ARHGEF1: variants seen among roughly 807,000 people sequenced by gnomAD.
ARHGEF1 encodes the protein 115 kDa guanine nucleotide exchange factor.
In ARHGEF1, 40 loss-of-function variants were observed where a neutral mutation model predicts 119.7. The observed-to-expected ratio is 0.33, with a 90% confidence interval of 0.26 to 0.44. The LOEUF (loss-of-function observed/expected upper bound fraction) is 0.44, where lower values mean the gene tolerates loss of function less well. Ranked by LOEUF, ARHGEF1 falls within the 20% of genes least tolerant of loss-of-function variation. ARHGEF1 has a pLI of 1.00. For missense variants in ARHGEF1, 976 were observed against 1,268.3 expected (o/e 0.77, Z 3.50); for synonymous variants, 494 against 521.0 (o/e 0.95, Z 0.71).
At position 41,916,046 on chromosome 19, in the gene ARHGEF1, G is replaced by A. The variant is rs1314601060; in HGVS notation, c.1866-7046G>A. Among the ~76,000 whole-genome samples, 4 of 131,676 alleles carry A rather than the reference G, an allele frequency of 3.0e-5. No individual in the cohort carries two copies. Among genetic ancestry groups the A allele is most frequent in the East Asian group, 2.3e-4 (1 of 4,420 alleles). 86.4% of individuals were successfully genotyped at this position (131,676 alleles called of 152,430 possible). A position where few individuals can be genotyped will look rare whatever the true frequency, so the allele number is the denominator to read the frequency against. ...CCTTCGCCCCCCATCTCTACCGCCC[G>A]CAGCCATGGCACCGAATGTGTGTGC... On this transcript the variant is annotated intron_variant, in intron 18 of 20. Coordinates refer to the ARHGEF1 transcript ENST00000599589. The surrounding 1 kb of genome is among the most constrained non-coding windows in gnomAD (Gnocchi z 5.4).
Position 41,896,379 on chromosome 19 carries a change from G to A in ARHGEF1, c.1018G>A (p.Ala340Thr). Reference protein sequence around the residue: ...SLDSPDREPGADAPLELGDSS... With the variant: ...SLDSPDREPGTDAPLELGDSS... The stretch of plus-strand genomic sequence containing the variant: ...GCCCTGCTCCCTCCACCCCACAGGT[G>A]CTGACGCCCCCCTGGAGCTGGGGGA... Residue 340 changes from alanine to threonine, a missense_variant and splice_region_variant, in exon 13 of 29, where the codon GCT (alanine) becomes ACT (threonine). Around this residue, in one of 3 missense-constraint regions of ARHGEF1, gnomAD observed 519 missense variants for 580.9 expected, o/e 0.89. Coordinates refer to ENST00000354532, the MANE Select transcript of ARHGEF1 (RefSeq NM_004706.4). The A allele has an allele frequency of 7.0e-7, 1 of 1,429,092 alleles. No homozygotes were observed. Among genetic ancestry groups the A allele is most frequent in the East Asian group, 2.6e-5 (1 of 38,682 alleles). The allele number at this position is 1,429,092 out of a possible 1,614,324, so 88.5% of individuals were successfully genotyped here. A position where few individuals can be genotyped will look rare whatever the true frequency, so the allele number is the denominator to read the frequency against.
downstream of ARHGEF1, among the ~76,000 whole-genome samples, chr19:41,910,771 A>G (rs2074747294): frequency 6.6e-6 from 1 of 152,146 alleles, no homozygotes; most frequent in African/African-American, 2.4e-5. This position sits in a 1 kb window ranked among gnomAD's most constrained non-coding sequence, Gnocchi z 4.4. Flanking sequence ...TCACACAGAC[A>G]TCAGTTCACT....
chr19:41,893,220 A>T, intron 7 of ARHGEF1, 54 bp from the exon 8 acceptor site: 1 of 1,608,284 alleles, frequency 6.2e-7, no homozygotes, highest in Non-Finnish European at 8.5e-7. Context: ...TCCTGGGTGG[A>T]TGGGGACCCC....
chr19:41,887,974 C>T (rs1021522468), intron 1 of ARHGEF1, 90 bp from the exon 2 acceptor site: 1 of 1,417,102 alleles, frequency 7.1e-7, no homozygotes. Context: ...GCTGTTTACT[C>T]ACCTTCACAC....
At chr19:41,914,615 CT>C (rs782268622) in intron 18 of ARHGEF1, among the ~76,000 whole-genome samples, 1,521 of 42,000 alleles carry the variant, frequency 0.036, 269 homozygotes, top group Non-Finnish European at 0.058. Context: ...TCTCCCTCCC[CT>C]TCCACCATCT....
rs1208694517 is a variant in ARHGEF1 at position 41,892,997 on chromosome 19, G to A, written c.614+148G>A. On this transcript the variant is annotated intron_variant, in intron 7 of 28. Coordinates refer to ENST00000354532, the MANE Select transcript of ARHGEF1 (RefSeq NM_004706.4). The surrounding 1 kb of genome is among the most constrained non-coding windows in gnomAD (Gnocchi z 6.3). ...ACTGGGGGTCTTCCTCTACCCTGGT[G>A]TTTTAACTCACCTTGAATCCGAGTC... 8.0e-7 allele frequency: 1 copy of A among 1,256,688 alleles called. No homozygotes were observed. Among genetic ancestry groups the A allele is most frequent in the Admixed American group, 2.9e-5 (1 of 34,290 alleles). 77.8% of individuals were successfully genotyped at this position (1,256,688 alleles called of 1,614,324 possible). A position where few individuals can be genotyped will look rare whatever the true frequency, so the allele number is the denominator to read the frequency against.
Position 41,894,482 on chromosome 19 carries a change from C to A in ARHGEF1, c.776C>A (p.Ala259Asp). 6.3e-7 allele frequency: 1 copy of A among 1,585,572 alleles called. No homozygotes were observed. The change falls in exon 10 of 29, where the codon GCC (alanine) becomes GAC (aspartate). Residue 259 changes from alanine (A) to aspartate (D), a missense_variant. By Grantham distance (126) the Ala-to-Asp change is moderately radical (BLOSUM62 -2). Around this residue, in one of 3 missense-constraint regions of ARHGEF1, gnomAD observed 519 missense variants for 580.9 expected, o/e 0.89. Transcript: ENST00000354532. ...VMGNRRSDEP[A>D]KTKKGLSSIL... ...GGGAACCGGCGGTCGGACGAGCCTG[C>A]CAAGACCAAGAAGGGGCTGAGCAGC... is the stretch of plus-strand genomic sequence containing the variant.
chr19:41,910,095 AC>A, downstream of ARHGEF1: 1 of 1,611,690 alleles, frequency 6.2e-7, no homozygotes, highest in Non-Finnish European at 8.5e-7. The surrounding 1 kb of genome is among the most constrained non-coding windows in gnomAD (Gnocchi z 4.4). Flanking sequence ...GGGAAGGCAA[AC>A]CCTGGGGACG....
intron 2 of ARHGEF1, among the ~76,000 whole-genome samples, chr19:41,929,467 G>T (rs1161295304): frequency 2.0e-5 from 3 of 152,180 alleles, no homozygotes; most frequent in East Asian, 1.9e-4. Context: ...CAGCCTCAGG[G>T]CGGGTCAGAC....
Position 41,907,238 on chromosome 19 carries a change from T to C in ARHGEF1, c.*151T>C, listed in dbSNP as rs1555850504. The C allele has an allele frequency of 2.6e-6, 4 of 1,520,856 alleles. No homozygotes were observed. The South Asian group carries it at 3.7e-5, about 14-fold the overall frequency. The allele number at this position is 1,520,856 out of a possible 1,614,324, so 94.2% of individuals were successfully genotyped here. A position where few individuals can be genotyped will look rare whatever the true frequency, so the allele number is the denominator to read the frequency against. Reference sequence around the variant, plus strand: ...GGGCCACGCCTGGGAGGGGCCCAGCTGGGGTTACTGGCCCCGCATGAGCCT... The same window carrying C: ...GGGCCACGCCTGGGAGGGGCCCAGCCGGGGTTACTGGCCCCGCATGAGCCT... On this transcript the variant is annotated 3_prime_UTR_variant, in exon 29 of 29. Coordinates refer to ENST00000354532, the MANE Select transcript of ARHGEF1 (RefSeq NM_004706.4).
upstream of ARHGEF1, among the ~76,000 whole-genome samples, chr19:41,918,474 C>T (rs182431942): frequency 3.3e-5 from 5 of 149,532 alleles, no homozygotes; most frequent in Admixed American, 1.3e-4. Flanking sequence ...ACACCACACA[C>T]GCACCACGCA....
intron 9 of ARHGEF1, 35 bp from the exon 10 acceptor site, chr19:41,894,416 T>C: frequency 6.5e-7 from 1 of 1,535,126 alleles, no homozygotes; most frequent in Non-Finnish European, 8.8e-7. Flanking sequence ...GTCTCAGAGA[T>C]GCTTAGCCTG....
intron 1 of ARHGEF1, among the ~76,000 whole-genome samples, chr19:41,887,407 A>C (rs541968299): frequency 1.3e-5 from 2 of 152,166 alleles, no homozygotes; most frequent in Non-Finnish European, 2.9e-5. Flanking sequence ...AGGCCCCATC[A>C]CTTGGTTTCT....
rs914659855 is a variant in ARHGEF1 at position 41,907,141 on chromosome 19, G to A, written c.*54G>A. 1.8e-5 allele frequency: 28 copies of A among 1,531,144 alleles called. No individual in the cohort carries two copies. The African/African-American group carries it at 2.2e-4, about 12-fold the overall frequency. 94.8% of individuals were successfully genotyped at this position (1,531,144 alleles called of 1,614,324 possible). On this transcript the variant is annotated 3_prime_UTR_variant, in exon 29 of 29. Coordinates refer to ENST00000354532, the MANE Select transcript of ARHGEF1 (RefSeq NM_004706.4). Reference sequence around the variant, plus strand: ...GAAGGAGAGGAATGGGGGAGAGGACGTGAGGGACCACCCCCACCCACACAG... The same window carrying A: ...GAAGGAGAGGAATGGGGGAGAGGACATGAGGGACCACCCCCACCCACACAG...
At position 41,907,185 on chromosome 19, in the gene ARHGEF1, C is replaced by T; in HGVS notation, c.*98C>T. 2 of 1,525,922 alleles carry T rather than the reference C, an allele frequency of 1.3e-6. No individual in the cohort carries two copies. The highest frequency in any genetic ancestry group is 1.8e-6 in the Non-Finnish European group (2 of 1,142,756). The allele number at this position is 1,525,922 out of a possible 1,614,324, so 94.5% of individuals were successfully genotyped here. A position where few individuals can be genotyped will look rare whatever the true frequency, so the allele number is the denominator to read the frequency against. ...CACACAGCTGCCGCAGCATCTCACACCCCGAGGGCCTGAGGAGAGGGAGCT... is the reference window on the plus strand; with the variant it reads ...CACACAGCTGCCGCAGCATCTCACATCCCGAGGGCCTGAGGAGAGGGAGCT... On this transcript the variant is annotated 3_prime_UTR_variant, in exon 29 of 29. Transcript: ENST00000354532.
chr19:41,910,735 A>G (rs1555851170), downstream of ARHGEF1, among the ~76,000 whole-genome samples: 1 of 152,144 alleles, frequency 6.6e-6, no homozygotes, highest in Non-Finnish European at 1.5e-5. The surrounding 1 kb of genome is among the most constrained non-coding windows in gnomAD (Gnocchi z 4.4). Flanking sequence ...GTGTGCGTGG[A>G]CACACACATG....
At position 41,896,506 on chromosome 19, in the gene ARHGEF1, C is replaced by T. The variant is rs143491843; in HGVS notation, c.1121+24C>T. On this transcript the variant is annotated intron_variant, in intron 13 of 28. Transcript: ENST00000354532. ...AGGTGCCCAGGCTGGGGTGCAGGGG[C>T]GGGAGGTGTGGCTTACTGGGCGCTG... 4.3e-5 allele frequency: 65 copies of T among 1,505,128 alleles called. No homozygotes were observed. The African/African-American group carries it at 4.9e-4, about 11-fold the overall frequency. The allele number at this position is 1,505,128 out of a possible 1,614,324, so 93.2% of individuals were successfully genotyped here.
chr19:41,903,496 C>A lies in ARHGEF1; in HGVS notation c.1839+89C>A. On this transcript the variant is annotated intron_variant, in intron 19 of 28. Transcript: ENST00000354532. The surrounding 1 kb of genome is among the most constrained non-coding windows in gnomAD (Gnocchi z 4.2). ...CCTCAGCCTGTCCAGAAGTCACACC[C>A]CACCCCTTGGCTTGTCTCCCTCAAG... 1 of 1,328,958 alleles carries A rather than the reference C, an allele frequency of 7.5e-7. No individual in the cohort carries two copies. Among genetic ancestry groups the A allele is most frequent in the Non-Finnish European group, 1.1e-6 (1 of 945,844 alleles). The allele number at this position is 1,328,958 out of a possible 1,614,324, so 82.3% of individuals were successfully genotyped here. A position where few individuals can be genotyped will look rare whatever the true frequency, so the allele number is the denominator to read the frequency against.
At chr19:41,927,343 A>G (rs150882822) in intron 1 of ARHGEF1, among the ~76,000 whole-genome samples, 11 of 152,126 alleles carry the variant, frequency 7.2e-5, no homozygotes, top group African/African-American at 2.2e-4. Flanking sequence ...AATTGGCCCA[A>G]ATGTCCTTCC....
Sources: allele counts gnomAD v4.1 joint callset (sites outside exome capture counted in the v4.1 genomes callset), GRCh38; gene constraint gnomAD v4.1.1; regional missense constraint gnomAD v4.1.1; non-coding constraint Gnocchi (gnomAD v3.1); transcripts MANE v1.5; gene names NCBI Gene and HGNC (gene_info 2026-07-23, HGNC 2026-07-21).